TIGD1: variants seen among roughly 807,000 people sequenced by gnomAD.
TIGD1 encodes the protein tigger transposable element-derived protein 1.
TIGD1 carries 20 observed loss-of-function variants against 21.3 expected under a neutral mutation model. The observed-to-expected ratio is 0.94, with a 90% CI of 0.66 to 1.36. TIGD1 has a LOEUF of 1.36. Among genes scored for constraint, TIGD1 ranks in the 40% most tolerant of loss-of-function variants. The pLI, the probability that TIGD1 is intolerant of heterozygous loss-of-function variation, is 0.00. For synonymous variants in TIGD1, 177 were observed against 123.2 expected, an observed-to-expected ratio of 1.44 and a Z score of -2.89; for missense variants, 556 against 350.5, an observed-to-expected ratio of 1.59 and a Z score of -4.68.
chr2:232,548,308 G>C lies in TIGD1; in HGVS notation c.1575C>G (p.Asn525Lys). Reference sequence around the variant, plus strand: ...AGATTTCTCTGTAGCATGCGATGCTGTTTGATAGCATTTTGCCCACAGTAG... The same window carrying C: ...AGATTTCTCTGTAGCATGCGATGCTCTTTGATAGCATTTTGCCCACAGTAG... ...RSSTVGKMLS[N>K]SIACYREIFH... is the part of the protein sequence containing the mutation. Residue 525 changes from asparagine (N) to lysine (K), a missense_variant, in exon 1 of 1, where the codon AAC (asparagine) becomes AAG (lysine). Transcript: ENST00000408957. 1 of 1,505,610 alleles carries C rather than the reference G, an allele frequency of 6.6e-7. No individual in the cohort carries two copies. The allele number at this position is 1,505,610 out of a possible 1,614,324, so 93.3% of individuals were successfully genotyped here.
In TIGD1 at chr2:232,549,910, A is replaced by C; in HGVS notation, c.-28T>G. The C allele has an allele frequency of 1.1e-3, 1,386 of 1,207,456 alleles. No homozygotes were observed. Among genetic ancestry groups the C allele is most frequent in the Non-Finnish European group, 1.4e-3 (1,255 of 871,252 alleles). The allele number at this position is 1,207,456 out of a possible 1,614,324, so 74.8% of individuals were successfully genotyped here. A position where few individuals can be genotyped will look rare whatever the true frequency, so the allele number is the denominator to read the frequency against. ...CAGAGTCATTAATTCGCCTAATCTCAATATTGTTGTGTCTCAGGGAATAGG... is the reference window on the plus strand; with the variant it reads ...CAGAGTCATTAATTCGCCTAATCTCCATATTGTTGTGTCTCAGGGAATAGG... On this transcript the variant is annotated 5_prime_UTR_variant, in exon 1 of 1. It adds an upstream start codon to the 5' untranslated region. Transcript: ENST00000408957.
chr2:232,544,184 T>A lies in TIGD1; in HGVS notation c.*3923A>T, dbSNP rs752256416. 6.6e-6 allele frequency among the ~76,000 whole-genome samples: 1 copy of A among 152,182 alleles called. No individual in the cohort carries two copies. Among genetic ancestry groups the A allele is most frequent in the Non-Finnish European group, 1.5e-5 (1 of 68,034 alleles). On this transcript the variant is annotated 3_prime_UTR_variant, in exon 1 of 1. Coordinates refer to ENST00000408957, the MANE Select transcript of TIGD1 (RefSeq NM_145702.4). The stretch of plus-strand genomic sequence containing the variant: ...TGTTTATAACAAGTGCCCTGGTGAT[T>A]CTGATGTGCACTGAAGTTTGGGGAC...
chr2:232,545,782 C>T lies in TIGD1; in HGVS notation c.*2325G>A, dbSNP rs995325414. 8.4e-6 allele frequency: 13 copies of T among 1,551,354 alleles called. No homozygotes were observed. The highest frequency in any genetic ancestry group is 4.5e-5 in the South Asian group (4 of 89,834). On this transcript the variant is annotated 3_prime_UTR_variant, in exon 1 of 1. Coordinates refer to ENST00000408957, the MANE Select transcript of TIGD1 (RefSeq NM_145702.4). Reference sequence around the variant, plus strand: ...GGGTCACACTGAGTCTTATCAGCCACGTTCTCCTACTGAGGTCCTAAGTGT... The same window carrying T: ...GGGTCACACTGAGTCTTATCAGCCATGTTCTCCTACTGAGGTCCTAAGTGT...
rs187672619 is a variant in TIGD1 at position 232,549,845 on chromosome 2, G to A, written c.38C>T (p.Thr13Ile). The stretch of plus-strand genomic sequence containing the variant: ...TAGTTTTTGATTTAAAGTGAGAGAT[G>A]TGCGACTCTTCCTTTCACTTGAGCA... The part of the protein sequence containing the change: ...SKCSSERKSR[T>I]SLTLNQKLEM... The change falls in exon 1 of 1, where the codon ACA (threonine) becomes ATA (isoleucine). Residue 13 changes from threonine to isoleucine, a missense_variant. Thr to Ile is a moderately conservative substitution (Grantham distance 89, BLOSUM62 -1). Transcript: ENST00000408957. The A allele has an allele frequency of 1.0e-4, 158 of 1,531,980 alleles. 1 individual carries two copies. The East Asian group carries it at 3.7e-3, about 36-fold the overall frequency. The allele number at this position is 1,531,980 out of a possible 1,614,324, so 94.9% of individuals were successfully genotyped here.
chr2:232,548,818 T>A lies in TIGD1; in HGVS notation c.1065A>T (p.Leu355=). 1 of 571,778 alleles carries A rather than the reference T, an allele frequency of 1.7e-6. No homozygotes were observed. The highest frequency in any genetic ancestry group is 3.3e-6 in the Non-Finnish European group (1 of 306,730). 35.4% of individuals were successfully genotyped at this position (571,778 alleles called of 1,614,324 possible). A position where few individuals can be genotyped will look rare whatever the true frequency, so the allele number is the denominator to read the frequency against. Residue 355 remains leucine, a synonymous_variant, in exon 1 of 1, where the codon CTA becomes CTT. Coordinates refer to ENST00000408957, the MANE Select transcript of TIGD1 (RefSeq NM_145702.4). ...CAGAGACATCACTATCCATGGCAGCTAGAGCCTTATGAAATGTATTTCTCA... is the reference window on the plus strand; with the variant it reads ...CAGAGACATCACTATCCATGGCAGCAAGAGCCTTATGAAATGTATTTCTCA... ...YYLRNTFHKA[L]AAMDSDVSDG...
Position 232,548,426 on chromosome 2 carries a change from T to G in TIGD1, c.1457A>C (p.Glu486Ala). 1 of 743,152 alleles carries G rather than the reference T, an allele frequency of 1.3e-6. No individual in the cohort carries two copies. Among genetic ancestry groups the G allele is most frequent in the East Asian group, 2.7e-5 (1 of 37,490 alleles). The allele number at this position is 743,152 out of a possible 1,614,324, so 46.0% of individuals were successfully genotyped here. A position where few individuals can be genotyped will look rare whatever the true frequency, so the allele number is the denominator to read the frequency against. ...ATATTCTAAATCCTTTGTTGTCATT[T>G]CAACAATGTTCACAGCATCTTCACC... is the stretch of plus-strand genomic sequence containing the variant. ...TPGEDAVNIV[E>A]MTTKDLEYYI... Residue 486 changes from glutamate (E) to alanine (A), a missense_variant, in exon 1 of 1, where the codon GAA (glutamate) becomes GCA (alanine). Transcript: ENST00000408957.
chr2:232,549,713 A>C lies in TIGD1; in HGVS notation c.170T>G (p.Phe57Cys), dbSNP rs1692232536. Residue 57 changes from phenylalanine (F) to cysteine (C), a missense_variant, in exon 1 of 1, where the codon TTC (phenylalanine) becomes TGC (cysteine). Coordinates refer to ENST00000408957, the MANE Select transcript of TIGD1 (RefSeq NM_145702.4). ...VSQVVNAKEK[F>C]LKEVKSATPM... ...AGTAGCACTTTTAACTTCCTTCAAG[A>C]ACTTTTCCTTTGCATTTACAACTTG... 3.3e-6 allele frequency: 3 copies of C among 902,026 alleles called. No homozygotes were observed. The highest frequency in any genetic ancestry group is 5.4e-6 in the Non-Finnish European group (3 of 554,442). 55.9% of individuals were successfully genotyped at this position (902,026 alleles called of 1,614,324 possible).
chr2:232,544,941 C>T lies in TIGD1; in HGVS notation c.*3166G>A, dbSNP rs1393301045. 1.2e-6 allele frequency: 2 copies of T among 1,612,888 alleles called. No individual in the cohort carries two copies. The highest frequency in any genetic ancestry group is 1.7e-5 in the Admixed American group (1 of 59,930). On this transcript the variant is annotated 3_prime_UTR_variant, in exon 1 of 1. Coordinates refer to ENST00000408957, the MANE Select transcript of TIGD1 (RefSeq NM_145702.4). Reference sequence around the variant, plus strand: ...GGGTGGGGTGGAGGTGGAGTGAGTACCTGGGCTTGGAACCGTGATAGAGAC... The same window carrying T: ...GGGTGGGGTGGAGGTGGAGTGAGTATCTGGGCTTGGAACCGTGATAGAGAC...
chr2:232,545,992 C>T lies in TIGD1; in HGVS notation c.*2115G>A. Reference sequence around the variant, plus strand: ...ACCAGCCACCCCTCCACTCAGTGCACTCCCCTCACTTAGGCAAAGCATTAT... The same window carrying T: ...ACCAGCCACCCCTCCACTCAGTGCATTCCCCTCACTTAGGCAAAGCATTAT... On this transcript the variant is annotated 3_prime_UTR_variant, in exon 1 of 1. Coordinates refer to ENST00000408957, the MANE Select transcript of TIGD1 (RefSeq NM_145702.4). The T allele has an allele frequency of 1.8e-6, 1 of 567,542 alleles. No homozygotes were observed. The highest frequency in any genetic ancestry group is 2.8e-5 in the Admixed American group (1 of 35,350). The allele number at this position is 567,542 out of a possible 1,614,324, so 35.2% of individuals were successfully genotyped here.
Position 232,544,286 on chromosome 2 carries a change from C to A in TIGD1, c.*3821G>T. The stretch of plus-strand genomic sequence containing the variant: ...GGTATGCTGCCTCCATGGTCCCTAG[C>A]AGCACAAGCCCTTCACGCCAACCTC... On this transcript the variant is annotated 3_prime_UTR_variant, in exon 1 of 1. Coordinates refer to ENST00000408957, the MANE Select transcript of TIGD1 (RefSeq NM_145702.4). The A allele has an allele frequency of 9.5e-7, 1 of 1,050,798 alleles. No individual in the cohort carries two copies. Among genetic ancestry groups the A allele is most frequent in the Non-Finnish European group, 1.5e-6 (1 of 675,338 alleles). 65.1% of individuals were successfully genotyped at this position (1,050,798 alleles called of 1,614,324 possible).
In TIGD1 at chr2:232,544,397, AGGATGCAC is replaced by A; in HGVS notation, c.*3702_*3709del. On this transcript the variant is annotated 3_prime_UTR_variant, in exon 1 of 1. Coordinates refer to ENST00000408957, the MANE Select transcript of TIGD1 (RefSeq NM_145702.4). ...CCTGAGGCTCTTGCCCCAGCTGCTG[AGGATGCAC>A]GTTCGCCCGCTGGCCCCGGCAGCTG... The A allele has an allele frequency of 6.2e-7, 1 of 1,613,422 alleles. No individual in the cohort carries two copies. The highest frequency in any genetic ancestry group is 8.5e-7 in the Non-Finnish European group (1 of 1,179,972).
rs1468480143 is a variant in TIGD1 at position 232,550,520 on chromosome 2, G to A, written c.-638C>T. 3.1e-6 allele frequency: 2 copies of A among 637,228 alleles called. No individual in the cohort carries two copies. Among genetic ancestry groups the A allele is most frequent in the Non-Finnish European group, 2.7e-6 (1 of 365,144 alleles). The allele number at this position is 637,228 out of a possible 1,614,324, so 39.5% of individuals were successfully genotyped here. ...GGACCTGGACAGAGGCAGAACTGAG[G>A]CCAGCAGCCAGCTCCGCCGCTGAGT... On this transcript the variant is annotated 5_prime_UTR_variant, in exon 1 of 1. Transcript: ENST00000408957.
chr2:232,549,506 T>C lies in TIGD1; in HGVS notation c.377A>G (p.Glu126Gly), dbSNP rs1242174211. 7 of 680,136 alleles carry C rather than the reference T, an allele frequency of 1.0e-5. No individual in the cohort carries two copies. The highest frequency in any genetic ancestry group is 1.7e-5 in the South Asian group (1 of 60,298). 42.1% of individuals were successfully genotyped at this position (680,136 alleles called of 1,614,324 possible). A position where few individuals can be genotyped will look rare whatever the true frequency, so the allele number is the denominator to read the frequency against. Residue 126 changes from glutamate (E) to glycine (G), a missense_variant, in exon 1 of 1, where the codon GAA becomes GGA. By Grantham distance (98) the Glu-to-Gly change is moderately conservative. Coordinates refer to ENST00000408957, the MANE Select transcript of TIGD1 (RefSeq NM_145702.4). ...MKAERGVEAAEEKFEASRGWF... is the reference protein window; with the variant it reads ...MKAERGVEAAGEKFEASRGWF... ...ACCTCTGCTAGCTTCAAACTTTTCT[T>C]CTGCAGCTTCCACACCTCTCTCAGC...
At position 232,550,018 on chromosome 2, in the gene TIGD1, T is replaced by G. The variant is rs551610143; in HGVS notation, c.-136A>C. 9.4e-5 allele frequency: 49 copies of G among 522,700 alleles called. No individual in the cohort carries two copies. Among genetic ancestry groups the G allele is most frequent in the African/African-American group, 9.0e-4 (46 of 51,302 alleles). 32.4% of individuals were successfully genotyped at this position (522,700 alleles called of 1,614,324 possible). On this transcript the variant is annotated 5_prime_UTR_variant, in exon 1 of 1. Coordinates refer to ENST00000408957, the MANE Select transcript of TIGD1 (RefSeq NM_145702.4). The stretch of plus-strand genomic sequence containing the variant: ...ACACACAACATTAAGTTCCACGTCT[T>G]ATAAAAGACGCTGTATGTGGCACCC...
Position 232,547,508 on chromosome 2 carries a change from T to C in TIGD1, c.*599A>G, listed in dbSNP as rs893899344. Among the ~76,000 whole-genome samples, 5 of 152,210 alleles carry C rather than the reference T, an allele frequency of 3.3e-5. No homozygotes were observed. The highest frequency in any genetic ancestry group is 1.2e-4 in the African/African-American group (5 of 41,436). On this transcript the variant is annotated 3_prime_UTR_variant, in exon 1 of 1. Transcript: ENST00000408957. ...CAGGATATGCTGGCAGGAGGGGACC[T>C]TGGAAATATGCCCTCCCTCCAAGCA...
In TIGD1 at chr2:232,548,124, T is replaced by G. The variant is rs1352269560; in HGVS notation, c.1759A>C (p.Thr587Pro). 1.2e-6 allele frequency: 1 copy of G among 822,420 alleles called. No individual in the cohort carries two copies. Among genetic ancestry groups the G allele is most frequent in the African/African-American group, 1.7e-5 (1 of 57,538 alleles). 50.9% of individuals were successfully genotyped at this position (822,420 alleles called of 1,614,324 possible). A position where few individuals can be genotyped will look rare whatever the true frequency, so the allele number is the denominator to read the frequency against. Residue 587 changes from threonine (T) to proline (P), a missense_variant, in exon 1 of 1, where the codon ACC becomes CCC. Transcript: ENST00000408957. ...DPPPAKRVRL[T>P]EGSD ...GCTGATTATCAATCTGAGCCTTCGG[T>G]GAGTCGTACTCTTTTTGCTGGTGGA...
rs756415955 is a variant in TIGD1, at chr2:232,549,659, C to T, written c.224G>A (p.Arg75Gln). The T allele has an allele frequency of 7.5e-5, 54 of 722,632 alleles. No individual in the cohort carries two copies. Among genetic ancestry groups the T allele is most frequent in the Middle Eastern group, 6.9e-4 (2 of 2,908 alleles). 44.8% of individuals were successfully genotyped at this position (722,632 alleles called of 1,614,324 possible). A position where few individuals can be genotyped will look rare whatever the true frequency, so the allele number is the denominator to read the frequency against. The change falls in exon 1 of 1, where the codon CGA (arginine) becomes CAA (glutamine). Residue 75 changes from arginine (R) to glutamine (Q), a missense_variant. By Grantham distance (43) the Arg-to-Gln change is conservative. Transcript: ENST00000408957. ...CTCCATATCAGCAATAAGGCTGTTT[C>T]GCTTTCTTATCATTCGTGTGTTCAT... ...TPMNTRMIRK[R>Q]NSLIADMEKV...
In TIGD1 at chr2:232,550,545, T is replaced by G. The variant is rs778895276; in HGVS notation, c.-663A>C. 9.6e-5 allele frequency: 74 copies of G among 770,324 alleles called. No homozygotes were observed. The African/African-American group carries it at 1.1e-3, about 12-fold the overall frequency. The allele number at this position is 770,324 out of a possible 1,614,324, so 47.7% of individuals were successfully genotyped here. ...GCCAGCAGCCAGCTCCGCCGCTGAG[T>G]CCAGCCCTCTGCGCAGCCGCCCTGA... On this transcript the variant is annotated 5_prime_UTR_variant, in exon 1 of 1. Coordinates refer to ENST00000408957, the MANE Select transcript of TIGD1 (RefSeq NM_145702.4).
Position 232,544,456 on chromosome 2 carries a change from G to C in TIGD1, c.*3651C>G. 6.2e-7 allele frequency: 1 copy of C among 1,613,756 alleles called. No homozygotes were observed. Among genetic ancestry groups the C allele is most frequent in the Non-Finnish European group, 8.5e-7 (1 of 1,180,020 alleles). On this transcript the variant is annotated 3_prime_UTR_variant, in exon 1 of 1. Coordinates refer to ENST00000408957, the MANE Select transcript of TIGD1 (RefSeq NM_145702.4). ...TGCAGGACACCCAGTCCCGGCTACA[G>C]AATGGCTCCTCGGGATGGTCGATCA...
Sources: allele counts gnomAD v4.1 joint callset (sites outside exome capture counted in the v4.1 genomes callset), GRCh38; gene constraint gnomAD v4.1.1; transcripts MANE v1.5; gene names NCBI Gene and HGNC (gene_info 2026-07-23, HGNC 2026-07-21).